FOXP2: variants seen among roughly 807,000 people sequenced by gnomAD.
FOXP2 encodes forkhead box P2.
FOXP2 carries 12 observed loss-of-function variants against 115.8 expected under a neutral mutation model. That is an observed-to-expected ratio of 0.10 (90% CI 0.07 to 0.17). The LOEUF is 0.17. FOXP2 is among the 10% of genes least tolerant of loss of function. The pLI, the probability that FOXP2 is intolerant of heterozygous loss-of-function variation, is 1.00. For synonymous variants in FOXP2, 328 were observed against 297.7 expected (o/e 1.10, Z -1.05); for missense variants, 629 against 843.5 (o/e 0.75, Z 3.15).
chr7:114,322,518 C>T (rs1166361920), intron 2 of FOXP2, among the ~76,000 whole-genome samples: 1 of 151,934 alleles, frequency 6.6e-6, no homozygotes, highest in African/African-American at 2.4e-5. Flanking sequence ...TTAATTTTCC[C>T]CTGCCATATA....
intron 2 of FOXP2, among the ~76,000 whole-genome samples, chr7:114,399,734 A>G (rs1792832401): frequency 6.6e-6 from 1 of 152,164 alleles, no homozygotes; most frequent in Non-Finnish European, 1.5e-5. Flanking sequence ...TAAATAAATA[A>G]ATAATACTGT....
At chr7:114,248,050 A>C (rs1249153928) in intron 1 of FOXP2, among the ~76,000 whole-genome samples, 2 of 152,130 alleles carry the variant, frequency 1.3e-5, no homozygotes, top group African/African-American at 2.4e-5. Flanking sequence ...AGATCTGTTG[A>C]TGGTGTCATG....
intron 2 of FOXP2, among the ~76,000 whole-genome samples, chr7:114,360,405 T>TA (rs1432208295): frequency 6.6e-6 from 1 of 152,150 alleles, no homozygotes; most frequent in Non-Finnish European, 1.5e-5. Flanking sequence ...CCCTTTTAGA[T>TA]AAAAAACAAC....
At chr7:114,249,330 C>T (rs1795372112) in intron 1 of FOXP2, among the ~76,000 whole-genome samples, 1 of 152,128 alleles carries the variant, frequency 6.6e-6, no homozygotes, top group Non-Finnish European at 1.5e-5. Context: ...TTATGCCCAA[C>T]ATGCATTAGC....
intron 1 of FOXP2, among the ~76,000 whole-genome samples, chr7:114,173,954 G>A (rs1017608766): frequency 2.6e-5 from 4 of 151,484 alleles, no homozygotes; most frequent in African/African-American, 4.8e-5. Flanking sequence ...CTGCCAGTTA[G>A]AATTTATATT....
intron 3 of FOXP2, among the ~76,000 whole-genome samples, chr7:114,590,907 G>T (rs183995343): frequency 2.6e-5 from 4 of 152,006 alleles, no homozygotes; most frequent in Admixed American, 1.3e-4. Context: ...ATTATACTAC[G>T]TACTTTTTCT....
At chr7:114,275,058 C>A (rs555973703) in intron 1 of FOXP2, among the ~76,000 whole-genome samples, 60 of 151,822 alleles carry the variant, frequency 4.0e-4, no homozygotes, top group Non-Finnish European at 5.9e-4. Context: ...GTAAGGTGTT[C>A]TTTTCCTCTT....
chr7:114,225,391 T>G (rs1320841514), intron 1 of FOXP2, among the ~76,000 whole-genome samples: 1 of 152,102 alleles, frequency 6.6e-6, no homozygotes, highest in Admixed American at 6.6e-5. Flanking sequence ...CAACTTTTTC[T>G]TGAGTAAGCA....
intron 1 of FOXP2, among the ~76,000 whole-genome samples, chr7:114,210,698 A>G (rs1175049735): frequency 4.6e-5 from 7 of 151,470 alleles, no homozygotes; most frequent in African/African-American, 1.7e-4. Context: ...GTTGGGGGAA[A>G]CCCTTCCTCA....
intron 16 of FOXP2, among the ~76,000 whole-genome samples, chr7:114,687,353 T>A (rs1359191527): frequency 1.3e-5 from 2 of 152,164 alleles, no homozygotes; most frequent in Non-Finnish European, 2.9e-5. Flanking sequence ...CTGGTAATAA[T>A]CCTGTCATAA....
intron 1 of FOXP2, among the ~76,000 whole-genome samples, chr7:114,170,972 G>A (rs993087317): frequency 1.3e-5 from 2 of 152,350 alleles, no homozygotes; most frequent in East Asian, 3.9e-4. Context: ...ATGCCATCTA[G>A]GAATTTTCTA....
chr7:114,282,625 T>C (rs540897177), intron 1 of FOXP2, among the ~76,000 whole-genome samples: 140 of 152,294 alleles, frequency 9.2e-4, no homozygotes, highest in Non-Finnish European at 1.8e-3. Context: ...ATTGTGTGAC[T>C]ACTATGTGCC....
chr7:114,518,737 C>T (rs1408265747), intron 2 of FOXP2, among the ~76,000 whole-genome samples: 2 of 152,096 alleles, frequency 1.3e-5, no homozygotes, highest in Non-Finnish European at 2.9e-5. Flanking sequence ...AACTCCTGAT[C>T]TCAAGTGATC....
intron 16 of FOXP2, among the ~76,000 whole-genome samples, chr7:114,671,086 A>C (rs1807463918): frequency 6.6e-6 from 1 of 151,736 alleles, no homozygotes; most frequent in African/African-American, 2.4e-5. Flanking sequence ...ATTTAATTCC[A>C]TTTTTATTTA....
At chr7:114,536,104 A>C (rs1799380284) in intron 3 of FOXP2, among the ~76,000 whole-genome samples, 1 of 151,536 alleles carries the variant, frequency 6.6e-6, no homozygotes, top group African/African-American at 2.4e-5. Flanking sequence ...GAAGATAGCA[A>C]ATGAAATGTT....
chr7:114,393,823 C>T (rs1300753550), intron 2 of FOXP2, among the ~76,000 whole-genome samples: 3 of 152,126 alleles, frequency 2.0e-5, no homozygotes, highest in Admixed American at 1.3e-4. Flanking sequence ...TCAAATTTCT[C>T]ATTGTTCAAG....
At chr7:114,251,313 G>T (rs1392445853) in intron 1 of FOXP2, among the ~76,000 whole-genome samples, 1 of 152,150 alleles carries the variant, frequency 6.6e-6, no homozygotes, top group African/African-American at 2.4e-5. Context: ...CTTTGAAATA[G>T]TTTTTTCTAA....
chr7:114,456,319 A>G (rs143497790), intron 2 of FOXP2, among the ~76,000 whole-genome samples: 62 of 152,324 alleles, frequency 4.1e-4, no homozygotes, highest in African/African-American at 1.2e-3. Flanking sequence ...TCAAATCTGC[A>G]GTTTTTAAAA....
In FOXP2 at chr7:114,394,394, TACACACACAC is replaced by T. The variant is rs147854196; in HGVS notation, c.-10-32090_-10-32081del. 1.3e-3 allele frequency among the ~76,000 whole-genome samples: 185 copies of T among 146,668 alleles called. 2 individuals carry two copies. The highest frequency in any genetic ancestry group is 4.5e-3 in the African/African-American group (179 of 40,020). ...GAATAAAGGGAGAAATATGAATCTATACACACACACACACACACACACACACAAGCAAACA... is the reference window on the plus strand; with the variant it reads ...GAATAAAGGGAGAAATATGAATCTATACACACACACACACACAAGCAAACA... On this transcript the variant is annotated intron_variant, in intron 2 of 17. Coordinates refer to the FOXP2 transcript ENST00000634411.
Sources: gnomAD v4.1 joint callset for allele counts (sites outside exome capture counted in the v4.1 genomes callset) on GRCh38, gnomAD v4.1.1 for gene constraint, MANE v1.5 for transcripts, NCBI Gene and HGNC (gene_info 2026-07-23, HGNC 2026-07-21) for gene names.